NDUFV3: variants seen among roughly 807,000 people sequenced by gnomAD.
The protein encoded by NDUFV3 is NADH:ubiquinone oxidoreductase subunit V3.
NDUFV3 carries 44 observed loss-of-function variants against 37.5 expected under a neutral mutation model. The observed-to-expected ratio is 1.17, with a 90% CI of 0.92 to 1.51. The LOEUF is 1.51. NDUFV3 is among the 40% of genes most tolerant of loss of function. NDUFV3 has a pLI of 0.00. For synonymous variants in NDUFV3, 235 were observed against 239.3 expected (o/e 0.98, Z 0.17); for missense variants, 580 against 580.4 (o/e 1.00, Z 0.01).
In NDUFV3 at chr21:42,904,122, C is replaced by T. The variant is rs753107389; in HGVS notation, c.1110C>T (p.Ile370=). The T allele has an allele frequency of 1.4e-5, 23 of 1,614,094 alleles. No homozygotes were observed. In the African/African-American group the frequency reaches 1.6e-4, roughly 11 times the overall value. The change falls in exon 3 of 4, where the codon ATC becomes ATT. Residue 370 remains isoleucine (I), a synonymous_variant. Coordinates refer to ENST00000354250, the MANE Select transcript of NDUFV3 (RefSeq NM_021075.4). ...IEGHLKGGQA[I]VEDQIPPSNL... is the part of the protein sequence containing the mutation. ...GCCACCTGAAGGGTGGACAGGCAATCGTGGAAGATCAGATACCACCAAGCA... is the reference window on the plus strand; with the variant it reads ...GCCACCTGAAGGGTGGACAGGCAATTGTGGAAGATCAGATACCACCAAGCA...
At chr21:42,904,518 G>A (rs1451661863) in intron 3 of NDUFV3, among the ~76,000 whole-genome samples, 11 of 126,950 alleles carry the variant, frequency 8.7e-5, no homozygotes, top group African/African-American at 2.8e-4. Context: ...TTGAGATGGT[G>A]TCTTGCTCTG....
In NDUFV3 at chr21:42,903,558, A is replaced by C; in HGVS notation, c.546A>C (p.Arg182Ser). ...EVTPRVVSKG[R>S]GGLRKPEASH... ...CTCCTCGAGTGGTGAGCAAAGGCAG[A>C]GGGGGGCTTCGAAAACCAGAGGCCT... Residue 182 changes from arginine to serine, a missense_variant, in exon 3 of 4, where the codon AGA (arginine) becomes AGC (serine). Transcript: ENST00000354250. 1 of 1,614,040 alleles carries C rather than the reference A, an allele frequency of 6.2e-7. No individual in the cohort carries two copies. Among genetic ancestry groups the C allele is most frequent in the African/African-American group, 1.3e-5 (1 of 75,052 alleles).
chr21:42,897,774 T>C (rs2058699880), intron 2 of NDUFV3, among the ~76,000 whole-genome samples: 1 of 152,102 alleles, frequency 6.6e-6, no homozygotes. Flanking sequence ...CCTCCTGGGT[T>C]CACACCATTC....
chr21:42,907,172 A>T (rs1226139505), intron 3 of NDUFV3, among the ~76,000 whole-genome samples: 1 of 151,974 alleles, frequency 6.6e-6, no homozygotes, highest in African/African-American at 2.4e-5. Context: ...TTTTGCCTCA[A>T]CCCCTACTTG....
At chr21:42,894,442 A>T (rs1402851572) in intron 1 of NDUFV3, among the ~76,000 whole-genome samples, 2 of 55,708 alleles carry the variant, frequency 3.6e-5, no homozygotes, top group African/African-American at 2.8e-4. Flanking sequence ...TATATTATAT[A>T]ATATATATAA....
At chr21:42,894,107 C>A (rs952908325) in intron 1 of NDUFV3, among the ~76,000 whole-genome samples, 1 of 149,546 alleles carries the variant, frequency 6.7e-6, no homozygotes, top group Non-Finnish European at 1.5e-5. Context: ...CCCAGCTACT[C>A]GGGAGGCTGA....
intron 1 of NDUFV3, among the ~76,000 whole-genome samples, chr21:42,894,911 T>G (rs1568854707): frequency 6.6e-6 from 1 of 152,128 alleles, no homozygotes; most frequent in African/African-American, 2.4e-5. Context: ...TTAATAGGCC[T>G]TAGTGAGTAT....
chr21:42,903,401 C>T lies in NDUFV3; in HGVS notation c.389C>T (p.Ser130Phe). The change falls in exon 3 of 4, where the codon TCT (serine) becomes TTT (phenylalanine). Residue 130 changes from serine (S) to phenylalanine (F), a missense_variant. Ser to Phe is a radical substitution (Grantham distance 155). Transcript: ENST00000354250. ...GTAGAGTTTCCACAGAAAGTTCTGTCTCCATTCAGAAAACAGGGCTCTGAT... is the reference window on the plus strand; with the variant it reads ...GTAGAGTTTCCACAGAAAGTTCTGTTTCCATTCAGAAAACAGGGCTCTGAT... ...TLVEFPQKVL[S>F]PFRKQGSDSE... The T allele has an allele frequency of 6.2e-7, 1 of 1,614,016 alleles. No individual in the cohort carries two copies. The highest frequency in any genetic ancestry group is 1.7e-5 in the Admixed American group (1 of 60,020).
chr21:42,899,355 TCC>T (rs893476564), intron 2 of NDUFV3, among the ~76,000 whole-genome samples: 3 of 134,800 alleles, frequency 2.2e-5, no homozygotes, highest in African/African-American at 8.9e-5. Context: ...CCACAACCTC[TCC>T]GCCTCCCTGA....
chr21:42,894,011 T>G (rs1405045799), intron 1 of NDUFV3, among the ~76,000 whole-genome samples: 1 of 151,606 alleles, frequency 6.6e-6, no homozygotes, highest in African/African-American at 2.4e-5. Context: ...AGTTCAGGAG[T>G]TCGAGACTAG....
chr21:42,898,420 C>T (rs2058703946), intron 2 of NDUFV3, among the ~76,000 whole-genome samples: 2 of 152,152 alleles, frequency 1.3e-5, no homozygotes, highest in African/African-American at 4.8e-5. Flanking sequence ...GTAGCTGAGA[C>T]TACAGGCACA....
In NDUFV3 at chr21:42,896,937, A is replaced by G. The variant is rs2058694236; in HGVS notation, c.59A>G (p.Gln20Arg). 6.2e-7 allele frequency: 1 copy of G among 1,613,482 alleles called. No homozygotes were observed. Among genetic ancestry groups the G allele is most frequent in the Non-Finnish European group, 8.5e-7 (1 of 1,179,474 alleles). Reference protein sequence around the residue: ...GRAGALKTMLQEAQVFRGLAS... With the variant: ...GRAGALKTMLREAQVFRGLAS... The stretch of plus-strand genomic sequence containing the variant: ...TAATTCTTTTGTCAGACTATGCTCC[A>G]GGAAGCCCAGGTGTTTCGAGGACTT... The change falls in exon 2 of 4, where the codon CAG (glutamine) becomes CGG (arginine). Residue 20 changes from glutamine to arginine, a missense_variant. Coordinates refer to ENST00000354250, the MANE Select transcript of NDUFV3 (RefSeq NM_021075.4).
chr21:42,897,699 TGGA>T (rs1280836449), intron 2 of NDUFV3, among the ~76,000 whole-genome samples: 1 of 148,964 alleles, frequency 6.7e-6, no homozygotes, highest in East Asian at 2.0e-4. Context: ...TTTTTTGAGA[TGGA>T]GTCCTGCTCT....
chr21:42,908,759 G>A (rs1216660067), intron 3 of NDUFV3, 105 bp from the exon 4 acceptor site: 12 of 1,332,778 alleles, frequency 9.0e-6, no homozygotes, highest in South Asian at 1.2e-5. Flanking sequence ...TTCACAGATA[G>A]GGATGATGAA....
chr21:42,903,653 C>T lies in NDUFV3; in HGVS notation c.641C>T (p.Pro214Leu), dbSNP rs760008101. ...SAKEKTLLQKPHVDITDPEKP... is the reference protein window; with the variant it reads ...SAKEKTLLQKLHVDITDPEKP... The stretch of plus-strand genomic sequence containing the variant: ...AAAGAGAAAACCTTGCTGCAGAAGC[C>T]GCATGTGGACATTACTGATCCAGAG... The change falls in exon 3 of 4, where the codon CCG (proline) becomes CTG (leucine). Residue 214 changes from proline (P) to leucine (L), a missense_variant. Physicochemically the swap from Pro to Leu is moderately conservative, Grantham distance 98 (BLOSUM62 -3). Coordinates refer to ENST00000354250, the MANE Select transcript of NDUFV3 (RefSeq NM_021075.4). 3 of 1,613,968 alleles carry T rather than the reference C, an allele frequency of 1.9e-6. No individual in the cohort carries two copies. The highest frequency in any genetic ancestry group is 1.1e-5 in the South Asian group (1 of 91,086).
In NDUFV3 at chr21:42,913,259, C is replaced by G. The variant is rs2058778313; in HGVS notation, c.*4238C>G. On this transcript the variant is annotated 3_prime_UTR_variant, in exon 4 of 4. Transcript: ENST00000354250. ...AGTGTTCCTTCTAGTGTAATTTTCA[C>G]CCTTAGAGACCTGTCTGTAATAAAC... The G allele has an allele frequency of 6.7e-6, 1 of 149,432 alleles. No homozygotes were observed. Among genetic ancestry groups the G allele is most frequent in the South Asian group, 2.1e-4 (1 of 4,702 alleles). The allele number at this position is 149,432 out of a possible 1,614,324, so 9.3% of individuals were successfully genotyped here. A position where few individuals can be genotyped will look rare whatever the true frequency, so the allele number is the denominator to read the frequency against.
At position 42,904,021 on chromosome 21, in the gene NDUFV3, C is replaced by T; in HGVS notation, c.1009C>T (p.Pro337Ser). 1 of 1,614,126 alleles carries T rather than the reference C, an allele frequency of 6.2e-7. No homozygotes were observed. Among genetic ancestry groups the T allele is most frequent in the Non-Finnish European group, 8.5e-7 (1 of 1,179,992 alleles). ...GGCGGCAGAGGGGCATCTGGAAAAA[C>T]CCGTGCCAGAGCCCCAGCGCAAGGC... ...PGAAEGHLEK[P>S]VPEPQRKAAP... The change falls in exon 3 of 4, where the codon CCC becomes TCC. Residue 337 changes from proline to serine, a missense_variant. Transcript: ENST00000354250.
intron 2 of NDUFV3, among the ~76,000 whole-genome samples, 199 bp from the exon 3 acceptor site, chr21:42,902,983 G>A (rs1210958588): frequency 1.3e-5 from 2 of 152,298 alleles, no homozygotes; most frequent in East Asian, 1.9e-4. Context: ...GTTTGTTCAT[G>A]TTCAGTACTA....
chr21:42,908,334 A>G (rs1316449817), intron 3 of NDUFV3, among the ~76,000 whole-genome samples: 1 of 152,094 alleles, frequency 6.6e-6, no homozygotes, highest in Non-Finnish European at 1.5e-5. Context: ...TGTAATAACT[A>G]TTCCATTTCT....
Sources: allele counts gnomAD v4.1 joint callset (sites outside exome capture counted in the v4.1 genomes callset), GRCh38; gene constraint gnomAD v4.1.1; transcripts MANE v1.5; gene names NCBI Gene and HGNC (gene_info 2026-07-23, HGNC 2026-07-21).